The following PLCB1 variants were observed in gnomAD, a reference collection of about 807,000 sequenced individuals.
PLCB1 encodes phospholipase C beta 1.
Under a neutral mutation model 161.8 loss-of-function variants are expected in PLCB1, and 46 were observed. That is an observed-to-expected ratio of 0.28 (90% CI 0.22 to 0.36). The LOEUF (loss-of-function observed/expected upper bound fraction) is 0.36, where lower values mean the gene tolerates loss of function less well. Among genes scored for constraint, PLCB1 ranks in the 10% least tolerant of loss-of-function variants. PLCB1 has a pLI of 1.00. For missense variants in PLCB1, 1,016 were observed against 1,472.5 expected (o/e 0.69, Z 5.07); for synonymous variants, 517 against 503.7 (o/e 1.03, Z -0.35).
intron 9 of PLCB1, among the ~76,000 whole-genome samples, chr20:8,683,402 A>AG (rs1040101770): frequency 6.6e-6 from 1 of 151,742 alleles, no homozygotes; most frequent in Non-Finnish European, 1.5e-5. Flanking sequence ...ACAAGAAAAA[A>AG]AAAAGAAATG....
At chr20:8,618,605 C>T (rs561761393) in intron 3 of PLCB1, among the ~76,000 whole-genome samples, 1 of 152,162 alleles carries the variant, frequency 6.6e-6, no homozygotes, top group Admixed American at 6.5e-5. Flanking sequence ...ACTCACAAGA[C>T]AATTTTTTTC....
At chr20:8,401,505 A>G (rs1451345765) in intron 3 of PLCB1, among the ~76,000 whole-genome samples, 1 of 152,210 alleles carries the variant, frequency 6.6e-6, no homozygotes, top group East Asian at 1.9e-4. Flanking sequence ...ATTTTATGAC[A>G]GTGACAAAGG....
At chr20:8,139,580 A>T (rs533380717) in intron 1 of PLCB1, among the ~76,000 whole-genome samples, 1 of 141,944 alleles carries the variant, frequency 7.0e-6, no homozygotes, top group African/African-American at 2.8e-5. Flanking sequence ...TTTTGCCATT[A>T]AAAAAAACAT....
intron 3 of PLCB1, among the ~76,000 whole-genome samples, chr20:8,586,633 G>GTGGT (rs1987000501): frequency 1.3e-5 from 2 of 152,216 alleles, no homozygotes; most frequent in South Asian, 4.1e-4. Context: ...ATAGACCTTA[G>GTGGT]TGGTCACTCA....
At chr20:8,848,534 G>A (rs142637009) in intron 31 of PLCB1, among the ~76,000 whole-genome samples, 244 of 152,262 alleles carry the variant, frequency 1.6e-3, no homozygotes, top group Non-Finnish European at 2.7e-3. Context: ...AAACCCAAGC[G>A]TCTTAGGAGG....
chr20:8,411,888 T>C (rs1286008087), intron 3 of PLCB1, among the ~76,000 whole-genome samples: 2 of 152,104 alleles, frequency 1.3e-5, no homozygotes, highest in African/African-American at 4.8e-5. Context: ...CCAGGTGTGG[T>C]GGCGCATGCC....
chr20:8,417,050 C>T (rs373902926), intron 3 of PLCB1, among the ~76,000 whole-genome samples: 809 of 54,300 alleles, frequency 0.015, 17 homozygotes, highest in African/African-American at 0.053. Flanking sequence ...CACACACACA[C>T]ACACATATAT....
chr20:8,426,724 T>C (rs918513366), intron 3 of PLCB1, among the ~76,000 whole-genome samples: 1 of 152,204 alleles, frequency 6.6e-6, no homozygotes, highest in Admixed American at 6.5e-5. Context: ...CCATGTGAGA[T>C]GATAGATATG....
At chr20:8,657,621 G>A (rs1431206047) in intron 8 of PLCB1, among the ~76,000 whole-genome samples, 1 of 152,012 alleles carries the variant, frequency 6.6e-6, no homozygotes, top group African/African-American at 2.4e-5. Context: ...TCTGGATTGG[G>A]AACCAGTTAT....
At chr20:8,492,972 A>T (rs750797838) in intron 3 of PLCB1, among the ~76,000 whole-genome samples, 4 of 152,080 alleles carry the variant, frequency 2.6e-5, no homozygotes, top group South Asian at 2.1e-4. Flanking sequence ...AACAGGTCAA[A>T]CTGTTCAGAT....
intron 2 of PLCB1, among the ~76,000 whole-genome samples, chr20:8,206,665 A>T (rs6055646): frequency 0.018 from 2,756 of 152,208 alleles, 102 homozygotes; most frequent in African/African-American, 0.063. Flanking sequence ...TAAGAATGGT[A>T]AATACTAAGA....
chr20:8,384,426 C>T (rs550931718), intron 3 of PLCB1, among the ~76,000 whole-genome samples: 1 of 151,974 alleles, frequency 6.6e-6, no homozygotes, highest in African/African-American at 2.4e-5. Flanking sequence ...CTCCTCTAAC[C>T]TTTTATCAAG....
intron 3 of PLCB1, among the ~76,000 whole-genome samples, chr20:8,569,931 T>C (rs1478563616): frequency 6.6e-6 from 1 of 152,154 alleles, no homozygotes; most frequent in East Asian, 1.9e-4. Flanking sequence ...CAATGAAATA[T>C]ATTTCTTCAT....
At chr20:8,567,396 C>T (rs756469885) in intron 3 of PLCB1, among the ~76,000 whole-genome samples, 13 of 152,112 alleles carry the variant, frequency 8.5e-5, no homozygotes, top group East Asian at 1.9e-4. Flanking sequence ...CTAAATTATC[C>T]GGATACCCAA....
intron 3 of PLCB1, among the ~76,000 whole-genome samples, chr20:8,407,433 G>A (rs1471056693): frequency 2.6e-5 from 4 of 152,124 alleles, no homozygotes; most frequent in Non-Finnish European, 5.9e-5. Context: ...AGGTTTAATT[G>A]GACTTACAGT....
chr20:8,165,901 C>T (rs2051670255), intron 2 of PLCB1, among the ~76,000 whole-genome samples: 1 of 152,154 alleles, frequency 6.6e-6, no homozygotes, highest in Non-Finnish European at 1.5e-5. Flanking sequence ...TAATAGCACA[C>T]TTTCATTTAC....
rs543925935 is a variant in PLCB1 at position 8,571,816 on chromosome 20, A to G, written c.247-56478A>G. On this transcript the variant is annotated intron_variant, in intron 3 of 31. Transcript: ENST00000338037. ...GGGAAGAACTAAGAACACTTTATGG[A>G]CATTTAAAGCTCGGGGTGTCTGTTA... Among the ~76,000 whole-genome samples, 4 of 152,334 alleles carry G rather than the reference A, an allele frequency of 2.6e-5. No individual in the cohort carries two copies. The East Asian group carries it at 7.7e-4, about 29-fold the overall frequency.
At chr20:8,721,221 A>C (rs1369601177) in intron 14 of PLCB1, among the ~76,000 whole-genome samples, 2 of 152,172 alleles carry the variant, frequency 1.3e-5, no homozygotes, top group Non-Finnish European at 2.9e-5. Context: ...CATTTATATA[A>C]ATCGAGTAGG....
At chr20:8,701,926 C>T (rs763771930) in intron 11 of PLCB1, among the ~76,000 whole-genome samples, 27 of 152,168 alleles carry the variant, frequency 1.8e-4, no homozygotes, top group Non-Finnish European at 3.5e-4. Flanking sequence ...ACATTTGGGC[C>T]AGATATTCAC....
Sources: gnomAD v4.1 joint callset for allele counts (sites outside exome capture counted in the v4.1 genomes callset) on GRCh38, gnomAD v4.1.1 for gene constraint, MANE v1.5 for transcripts, NCBI Gene and HGNC (gene_info 2026-07-23, HGNC 2026-07-21) for gene names.